AKAP13: variants seen among roughly 807,000 people sequenced by gnomAD.
AKAP13 encodes the protein A-kinase anchoring protein 13, also known as A-kinase anchor protein 13.
In AKAP13, 80 loss-of-function variants were observed where a neutral mutation model predicts 264.5. The observed-to-expected ratio is 0.30, with a 90% CI of 0.25 to 0.36. The LOEUF (loss-of-function observed/expected upper bound fraction) is 0.36, where lower values mean the gene tolerates loss of function less well. Ranked by LOEUF, AKAP13 falls within the 10% of genes least tolerant of loss-of-function variation. AKAP13 has a pLI of 1.00. For missense variants in AKAP13, 3,712 were observed against 3,435.2 expected, an observed-to-expected ratio of 1.08 and a Z score of -2.01; for synonymous variants, 1,380 against 1,250.2, an observed-to-expected ratio of 1.10 and a Z score of -2.19.
chr15:85,656,258 A>G (rs1259236338), intron 11 of AKAP13, among the ~76,000 whole-genome samples: 3 of 152,210 alleles, frequency 2.0e-5, no homozygotes, highest in Non-Finnish European at 4.4e-5. Flanking sequence ...TCTAATACAG[A>G]AAGTTTTGAT....
At chr15:85,693,605 A>G (rs2085404989) in intron 17 of AKAP13, among the ~76,000 whole-genome samples, 154 bp downstream of exon 17, 1 of 152,252 alleles carries the variant, frequency 6.6e-6, no homozygotes, top group South Asian at 2.1e-4. Flanking sequence ...AAAGAAAGAA[A>G]TTCTAGATGT....
intron 11 of AKAP13, among the ~76,000 whole-genome samples, chr15:85,657,136 C>A (rs1443878356): frequency 7.1e-6 from 1 of 140,726 alleles, no homozygotes; most frequent in African/African-American, 2.8e-5. Context: ...ACAGTGAGAC[C>A]CTGTCTCAAA....
chr15:85,446,536 T>C (rs544917157), intron 1 of AKAP13, among the ~76,000 whole-genome samples: 3 of 152,146 alleles, frequency 2.0e-5, no homozygotes, highest in Non-Finnish European at 4.4e-5. Context: ...GAAAAGACTT[T>C]AGGGCTAGAG....
chr15:85,632,835 A>G (rs1041956473), intron 8 of AKAP13, among the ~76,000 whole-genome samples: 5 of 151,552 alleles, frequency 3.3e-5, no homozygotes, highest in African/African-American at 4.9e-5. Flanking sequence ...GACATGTGGT[A>G]TTGAGAAGGT....
intron 1 of AKAP13, among the ~76,000 whole-genome samples, chr15:85,459,103 C>T (rs2074403653): frequency 6.6e-6 from 1 of 152,236 alleles, no homozygotes; most frequent in South Asian, 2.1e-4. Flanking sequence ...TGCTCATTGT[C>T]ACAAACTGTT....
At chr15:85,717,463 C>T (rs2087015549) in intron 21 of AKAP13, 61 bp downstream of exon 21, 1 of 1,174,322 alleles carries the variant, frequency 8.5e-7, no homozygotes. Context: ...GTGTCATTAC[C>T]TAGAACATAA....
chr15:85,663,927 A>G (rs1405027441), intron 12 of AKAP13, among the ~76,000 whole-genome samples: 2 of 152,210 alleles, frequency 1.3e-5, no homozygotes, highest in Non-Finnish European at 2.9e-5. Context: ...GCTTTTCAGC[A>G]TTTGTTCATT....
At chr15:85,459,824 A>G (rs1032367672) in intron 1 of AKAP13, among the ~76,000 whole-genome samples, 7 of 152,204 alleles carry the variant, frequency 4.6e-5, no homozygotes, top group Non-Finnish European at 1.5e-5. Flanking sequence ...TAACAGTACC[A>G]TCATCTATCT....
At chr15:85,405,606 T>C (rs2071623923) in intron 1 of AKAP13, among the ~76,000 whole-genome samples, 1 of 152,190 alleles carries the variant, frequency 6.6e-6, no homozygotes, top group Admixed American at 6.5e-5. Flanking sequence ...GTGTTTTAGT[T>C]ACAGAAATAT....
chr15:85,654,918 G>A (rs940481056), intron 10 of AKAP13, among the ~76,000 whole-genome samples: 30 of 152,004 alleles, frequency 2.0e-4, no homozygotes, highest in Non-Finnish European at 1.5e-4. Flanking sequence ...TAGGCCAGGC[G>A]CAGTGGCTCA....
intron 20 of AKAP13, among the ~76,000 whole-genome samples, chr15:85,716,663 A>C (rs2086967718): frequency 6.6e-6 from 1 of 152,184 alleles, no homozygotes; most frequent in Non-Finnish European, 1.5e-5. Flanking sequence ...GTGCTGGCTA[A>C]TGTTTTCTCC....
At chr15:85,711,588 A>G (rs1261827547) in intron 19 of AKAP13, among the ~76,000 whole-genome samples, 6 of 152,162 alleles carry the variant, frequency 3.9e-5, no homozygotes, top group African/African-American at 9.7e-5. Flanking sequence ...GTATTCTTTC[A>G]TAAGCATATT....
At chr15:85,622,998 T>G (rs2081261579) in intron 8 of AKAP13, among the ~76,000 whole-genome samples, 1 of 152,248 alleles carries the variant, frequency 6.6e-6, no homozygotes, top group Non-Finnish European at 1.5e-5. Context: ...AAGTTCATTT[T>G]GTCCCATGAT....
intron 4 of AKAP13, among the ~76,000 whole-genome samples, chr15:85,540,174 A>G (rs746724214): frequency 6.6e-6 from 1 of 152,176 alleles, no homozygotes; most frequent in Non-Finnish European, 1.5e-5. Context: ...CAGTCCACCA[A>G]CATGGGCCAA....
chr15:85,399,528 AAATAAAAAAATAAAT>A (rs2071314120), intron 1 of AKAP13, among the ~76,000 whole-genome samples: 13 of 112,354 alleles, frequency 1.2e-4, no homozygotes, highest in African/African-American at 4.2e-4. Context: ...AAAAATAAAA[AAATAAAAAAATAAAT>A]AAATAAATAA....
At chr15:85,471,497 A>C (rs951546727) in intron 1 of AKAP13, among the ~76,000 whole-genome samples, 1 of 152,176 alleles carries the variant, frequency 6.6e-6, no homozygotes, top group African/African-American at 2.4e-5. Context: ...TCCGTCTCAA[A>C]AAACAAACAA....
chr15:85,596,378 G>T (rs1029949093), intron 8 of AKAP13, among the ~76,000 whole-genome samples: 1 of 152,112 alleles, frequency 6.6e-6, no homozygotes, highest in African/African-American at 2.4e-5. Context: ...GATCGAAGCA[G>T]GTGTATTGCT....
At position 85,619,598 on chromosome 15, in the gene AKAP13, G is replaced by A. The variant is rs1459077139; in HGVS notation, c.4162-19776G>A. 7.1e-6 allele frequency: 7 copies of A among 985,292 alleles called. No individual in the cohort carries two copies. In the South Asian group the frequency reaches 1.4e-4, roughly 20 times the overall value. The allele number at this position is 985,292 out of a possible 1,614,324, so 61.0% of individuals were successfully genotyped here. A position where few individuals can be genotyped will look rare whatever the true frequency, so the allele number is the denominator to read the frequency against. On this transcript the variant is annotated intron_variant, in intron 8 of 36. Transcript: ENST00000394518. Reference sequence around the variant, plus strand: ...ATCTAATGACTTTTTTCATGCCATCGCTTTGAAATAGCGTCGTCTTCCTTT... The same window carrying A: ...ATCTAATGACTTTTTTCATGCCATCACTTTGAAATAGCGTCGTCTTCCTTT...
rs77395557 is a variant in AKAP13 at position 85,468,286 on chromosome 15, C to T, written c.-11-17424C>T. ...TCTTATGGTTGATGCCCCTTTTAGACGGTCAGAGTCTTAGCCCTTCTAGAG... is the reference window on the plus strand; with the variant it reads ...TCTTATGGTTGATGCCCCTTTTAGATGGTCAGAGTCTTAGCCCTTCTAGAG... On this transcript the variant is annotated intron_variant, in intron 1 of 36. Coordinates refer to ENST00000394518, the MANE Select transcript of AKAP13 (RefSeq NM_007200.5). Among the ~76,000 whole-genome samples the T allele has an allele frequency of 5.1e-3, 771 of 152,274 alleles. 6 individuals carry two copies. Among genetic ancestry groups the T allele is most frequent in the African/African-American group, 0.016 (683 of 41,554 alleles).
Sources: gnomAD v4.1 joint callset for allele counts (sites outside exome capture counted in the v4.1 genomes callset) on GRCh38, gnomAD v4.1.1 for gene constraint, MANE v1.5 for transcripts, NCBI Gene and HGNC (gene_info 2026-07-23, HGNC 2026-07-21) for gene names.